Variants in GABRB1 observed in about 807,000 individuals in gnomAD.
GABRB1 encodes the protein gamma-aminobutyric acid receptor subunit beta-1.
A neutral mutation model predicts 51.6 loss-of-function variants in GABRB1; 17 were observed. The observed-to-expected ratio is 0.33, with a 90% CI of 0.23 to 0.49. GABRB1 has a LOEUF of 0.49. Among genes scored for constraint, GABRB1 ranks in the 20% least tolerant of loss-of-function variants. The pLI, the probability that GABRB1 is intolerant of heterozygous loss-of-function variation, is 0.99. For missense variants in GABRB1, 410 were observed against 600.6 expected, an observed-to-expected ratio of 0.68 and a Z score of 3.32; for synonymous variants, 247 against 218.9, an observed-to-expected ratio of 1.13 and a Z score of -1.14.
At chr4:47,017,844 T>C (rs1384446148) in intron 1 of GABRB1, among the ~76,000 whole-genome samples, 1 of 152,192 alleles carries the variant, frequency 6.6e-6, no homozygotes, top group Non-Finnish European at 1.5e-5. Flanking sequence ...GTTCAGAATA[T>C]GGTTAGAAAA....
At chr4:46,998,514 C>T (rs1189430158) in intron 1 of GABRB1, among the ~76,000 whole-genome samples, 3 of 151,874 alleles carry the variant, frequency 2.0e-5, no homozygotes, top group Non-Finnish European at 2.9e-5. Flanking sequence ...GGGTGGATCA[C>T]GAAGGTCAGG....
At chr4:47,188,486 T>C (rs1214314192) in intron 4 of GABRB1, among the ~76,000 whole-genome samples, 2 of 151,948 alleles carry the variant, frequency 1.3e-5, no homozygotes, top group Non-Finnish European at 2.9e-5. Context: ...GTAAATAATG[T>C]TGTGTTTGTT....
chr4:47,057,133 A>G (rs1475588749), intron 3 of GABRB1, among the ~76,000 whole-genome samples: 1 of 152,084 alleles, frequency 6.6e-6, no homozygotes, highest in Non-Finnish European at 1.5e-5. Flanking sequence ...CAAACAAACC[A>G]TAAGGCATGG....
chr4:47,240,529 C>G (rs1001329838), intron 4 of GABRB1, among the ~76,000 whole-genome samples: 15 of 152,134 alleles, frequency 9.9e-5, no homozygotes, highest in African/African-American at 3.4e-4. Context: ...GAGAGCTAGA[C>G]AGAAAGGAAA....
chr4:47,052,518 T>A (rs1452673634), intron 3 of GABRB1, among the ~76,000 whole-genome samples: 1 of 152,220 alleles, frequency 6.6e-6, no homozygotes, highest in Non-Finnish European at 1.5e-5. Context: ...TTAAAGTGGT[T>A]TGGCATACAA....
chr4:47,329,162 T>C (rs970174744), intron 5 of GABRB1, among the ~76,000 whole-genome samples: 4 of 152,064 alleles, frequency 2.6e-5, no homozygotes, highest in African/African-American at 9.7e-5. Context: ...CAGTTTTTAA[T>C]GCCATTTTAA....
At chr4:47,026,927 A>T (rs1372847604), upstream of GABRB1, among the ~76,000 whole-genome samples, 1 of 151,884 alleles carries the variant, frequency 6.6e-6, no homozygotes, top group Non-Finnish European at 1.5e-5. Context: ...TTTGTCTCTC[A>T]TTTTTTGTTT....
Position 47,104,186 on chromosome 4 carries a change from GT to G in GABRB1, c.241-57056del, listed in dbSNP as rs536759009. Among the ~76,000 whole-genome samples the G allele has an allele frequency of 1.3e-3, 190 of 151,568 alleles. 1 individual carries two copies. Among genetic ancestry groups the G allele is most frequent in the African/African-American group, 4.2e-3 (176 of 41,428 alleles). The stretch of plus-strand genomic sequence containing the variant: ...TGAATATAGAAGTATAGGATGACAG[GT>G]TTTTTTCTTCTTATCACTTTAAAGC... On this transcript the variant is annotated intron_variant, in intron 3 of 8. Transcript: ENST00000295454.
chr4:47,078,344 G>A (rs1727666058), intron 3 of GABRB1, among the ~76,000 whole-genome samples: 1 of 152,038 alleles, frequency 6.6e-6, no homozygotes, highest in South Asian at 2.1e-4. Context: ...ACTAAGCACA[G>A]TTATAGGCTG....
Position 47,393,922 on chromosome 4 carries a change from T to C in GABRB1, c.545-9396T>C, listed in dbSNP as rs190997140. Among the ~76,000 whole-genome samples, 522 of 152,364 alleles carry C rather than the reference T, an allele frequency of 3.4e-3. 5 individuals carry two copies. The highest frequency in any genetic ancestry group is 2.1e-3 in the Non-Finnish European group (142 of 68,030). On this transcript the variant is annotated intron_variant, in intron 5 of 8. Coordinates refer to ENST00000295454, the MANE Select transcript of GABRB1 (RefSeq NM_000812.4). ...AGTAGGTGTATTGCAACGTCAAGTATATTTTCCATTGATTTGCTTGCCAGT... is the reference window on the plus strand; with the variant it reads ...AGTAGGTGTATTGCAACGTCAAGTACATTTTCCATTGATTTGCTTGCCAGT...
chr4:47,196,123 A>G (rs1219559601), intron 4 of GABRB1, among the ~76,000 whole-genome samples: 1 of 152,260 alleles, frequency 6.6e-6, no homozygotes, highest in Admixed American at 6.5e-5. Context: ...CTGAGAATTC[A>G]CTGTGAAAAG....
chr4:47,146,342 C>T (rs990451245), intron 3 of GABRB1, among the ~76,000 whole-genome samples: 1 of 151,728 alleles, frequency 6.6e-6, no homozygotes, highest in African/African-American at 2.4e-5. Context: ...TTTTGGTAGT[C>T]ATGATAATGC....
intron 4 of GABRB1, among the ~76,000 whole-genome samples, chr4:47,189,066 C>A (rs1015216892): frequency 1.3e-5 from 2 of 151,774 alleles, no homozygotes; most frequent in African/African-American, 2.4e-5. Context: ...GTGGAAAGGG[C>A]CACAAAGCAA....
intron 4 of GABRB1, among the ~76,000 whole-genome samples, chr4:47,244,691 C>G (rs977308192): frequency 6.6e-6 from 1 of 152,140 alleles, no homozygotes; most frequent in Non-Finnish European, 1.5e-5. Flanking sequence ...TTAAGAAACT[C>G]ACTCAAAACC....
At chr4:47,018,110 T>C (rs1176068669) in intron 1 of GABRB1, among the ~76,000 whole-genome samples, 1 of 151,734 alleles carries the variant, frequency 6.6e-6, no homozygotes, top group East Asian at 1.9e-4. Context: ...CTGCCTCCTC[T>C]TCTTCTCCTC....
chr4:47,317,260 G>C (rs1010828561), intron 4 of GABRB1, among the ~76,000 whole-genome samples: 18 of 151,950 alleles, frequency 1.2e-4, no homozygotes, highest in African/African-American at 4.3e-4. Flanking sequence ...TGACTGAAAA[G>C]CATCAGCTAA....
intron 1 of GABRB1, among the ~76,000 whole-genome samples, chr4:47,014,654 A>G (rs982390102): frequency 2.4e-4 from 36 of 152,174 alleles, no homozygotes; most frequent in Non-Finnish European, 1.5e-4. Context: ...CAGGTTAAGG[A>G]CTTAGATTTT....
intron 1 of GABRB1, among the ~76,000 whole-genome samples, chr4:46,998,884 A>G (rs1186713464): frequency 6.6e-6 from 1 of 152,096 alleles, no homozygotes; most frequent in Admixed American, 6.5e-5. Flanking sequence ...TTCTGAAATA[A>G]GCTCTCAGAA....
At chr4:47,292,516 G>T (rs969328572) in intron 4 of GABRB1, among the ~76,000 whole-genome samples, 1 of 152,204 alleles carries the variant, frequency 6.6e-6, no homozygotes, top group Admixed American at 6.5e-5. Context: ...GGAAAACCTA[G>T]AAAAGCTATT....
Sources: gnomAD v4.1 joint callset for allele counts (sites outside exome capture counted in the v4.1 genomes callset) on GRCh38, gnomAD v4.1.1 for gene constraint, MANE v1.5 for transcripts, NCBI Gene and HGNC (gene_info 2026-07-23, HGNC 2026-07-21) for gene names.